ADAMTS18: variants seen among roughly 807,000 people sequenced by gnomAD.
ADAMTS18 encodes A disintegrin and metalloproteinase with thrombospondin motifs 18.
ADAMTS18 carries 157 observed loss-of-function variants against 165.9 expected under a neutral mutation model. That is an observed-to-expected ratio of 0.95 (90% CI 0.83 to 1.08). The LOEUF (loss-of-function observed/expected upper bound fraction) is 1.08. ADAMTS18 is among the 50% of genes least tolerant of loss of function. ADAMTS18 has a pLI of 0.00. For missense variants in ADAMTS18, 2,040 were observed against 1,534.0 expected, an observed-to-expected ratio of 1.33 and a Z score of -5.51; for synonymous variants, 782 against 578.2, an observed-to-expected ratio of 1.35 and a Z score of -5.06.
At chr16:77,425,889 C>A (rs544570421) in intron 3 of ADAMTS18, among the ~76,000 whole-genome samples, 3 of 151,852 alleles carry the variant, frequency 2.0e-5, no homozygotes, top group African/African-American at 7.3e-5. Context: ...CTAAAAATAA[C>A]AAAAAAATTA....
intron 19 of ADAMTS18, 74 bp from the exon 20 acceptor site, chr16:77,293,332 A>C: frequency 1.8e-6 from 2 of 1,116,596 alleles, no homozygotes; most frequent in Non-Finnish European, 2.7e-6. Context: ...AAAACAACAC[A>C]CTAAATATAT....
chr16:77,366,232 A>C (rs1323891639), intron 4 of ADAMTS18, among the ~76,000 whole-genome samples: 2 of 152,228 alleles, frequency 1.3e-5, no homozygotes, highest in African/African-American at 4.8e-5. Context: ...AGAAGAATTT[A>C]AAAGTTTAAA....
At chr16:77,352,856 A>T (rs968654183) in intron 10 of ADAMTS18, among the ~76,000 whole-genome samples, 1 of 152,118 alleles carries the variant, frequency 6.6e-6, no homozygotes, top group African/African-American at 2.4e-5. Flanking sequence ...CATGCCTGTA[A>T]TCCCAGCACT....
chr16:77,287,590 A>T (rs941906322), intron 22 of ADAMTS18, among the ~76,000 whole-genome samples: 1 of 151,654 alleles, frequency 6.6e-6, no homozygotes, highest in Non-Finnish European at 1.5e-5. Context: ...AGATCCTCCC[A>T]CCTCCCCAGT....
intron 10 of ADAMTS18, among the ~76,000 whole-genome samples, chr16:77,342,458 T>TGAC (rs2056413049): frequency 1.3e-5 from 2 of 151,322 alleles, no homozygotes; most frequent in East Asian, 3.9e-4. Context: ...TTATAGTTTA[T>TGAC]TGACTGACTG....
intron 11 of ADAMTS18, among the ~76,000 whole-genome samples, chr16:77,341,323 C>G (rs1248243923): frequency 1.3e-5 from 2 of 152,040 alleles, no homozygotes; most frequent in African/African-American, 4.8e-5. Flanking sequence ...AGCTGAGTAG[C>G]CGAAGCCTTG....
chr16:77,433,716 C>T (rs2057765243), intron 2 of ADAMTS18, among the ~76,000 whole-genome samples: 1 of 152,162 alleles, frequency 6.6e-6, no homozygotes, highest in South Asian at 2.1e-4. Context: ...TAAGGTTTTC[C>T]TAGACACCTT....
At chr16:77,422,887 A>G (rs1403072024) in intron 3 of ADAMTS18, among the ~76,000 whole-genome samples, 3 of 152,132 alleles carry the variant, frequency 2.0e-5, no homozygotes, top group African/African-American at 4.8e-5. Context: ...TCACACTTAC[A>G]TGGTGTGATG....
chr16:77,390,893 C>T (rs1400199706), intron 3 of ADAMTS18, among the ~76,000 whole-genome samples: 2 of 152,098 alleles, frequency 1.3e-5, no homozygotes, highest in Admixed American at 6.5e-5. Flanking sequence ...GCCCAGTAGC[C>T]ACGTGGTTGG....
chr16:77,388,754 C>T (rs1001755304), intron 3 of ADAMTS18, among the ~76,000 whole-genome samples: 6 of 152,148 alleles, frequency 3.9e-5, no homozygotes, highest in African/African-American at 1.4e-4. Flanking sequence ...TTTTCTTCCC[C>T]TCAGCAATGT....
At chr16:77,342,972 A>C (rs1349056576) in intron 10 of ADAMTS18, among the ~76,000 whole-genome samples, 1 of 152,174 alleles carries the variant, frequency 6.6e-6, no homozygotes, top group African/African-American at 2.4e-5. Context: ...GCCATGAGCC[A>C]AGGAATGCAG....
chr16:77,433,051 CTT>C (rs1454984999), intron 2 of ADAMTS18, among the ~76,000 whole-genome samples: 5 of 152,120 alleles, frequency 3.3e-5, no homozygotes. Flanking sequence ...TTTCCCCTCT[CTT>C]AACCTTGAAA....
chr16:77,284,204 C>T, intron 22 of ADAMTS18, 133 bp from the exon 23 acceptor site: 1 of 640,670 alleles, frequency 1.6e-6, no homozygotes. Context: ...CCGCTCACTG[C>T]AATCTCTGCT....
At chr16:77,429,768 A>C (rs932142952) in intron 3 of ADAMTS18, among the ~76,000 whole-genome samples, 1 of 152,174 alleles carries the variant, frequency 6.6e-6, no homozygotes, top group Non-Finnish European at 1.5e-5. Context: ...TGAGGAGGCT[A>C]AATTTTGCTG....
intron 16 of ADAMTS18, among the ~76,000 whole-genome samples, chr16:77,302,136 T>G (rs1462429405): frequency 6.6e-6 from 1 of 152,100 alleles, no homozygotes; most frequent in East Asian, 1.9e-4. Flanking sequence ...CACAGTATTT[T>G]TGAATAAATA....
rs1300922520 is a variant in ADAMTS18, at chr16:77,290,335, T to A, written c.3403-924A>T. Among the ~76,000 whole-genome samples, 3 of 152,146 alleles carry A rather than the reference T, an allele frequency of 2.0e-5. No homozygotes were observed. In the East Asian group the frequency reaches 5.8e-4, roughly 29 times the overall value. ...CAAATGAACATGGCTACATTCCAGT[T>A]AAACTTTATAAAAACAGGCAGGTAT... On this transcript the variant is annotated intron_variant, in intron 21 of 22. Coordinates refer to ENST00000282849, the MANE Select transcript of ADAMTS18 (RefSeq NM_199355.4).
chr16:77,372,525 G>C (rs145268492), intron 3 of ADAMTS18, among the ~76,000 whole-genome samples: 19 of 152,218 alleles, frequency 1.2e-4, no homozygotes, highest in Middle Eastern at 3.4e-3. Context: ...AATCAAAGAC[G>C]GAGTCTTCAT....
Position 77,363,955 on chromosome 16 carries a change from AT to A in ADAMTS18, c.973-71del, listed in dbSNP as rs1005037020. The A allele has an allele frequency of 3.5e-6, 5 of 1,435,164 alleles. No homozygotes were observed. In the African/African-American group the frequency reaches 7.0e-5, roughly 20 times the overall value. The allele number at this position is 1,435,164 out of a possible 1,614,324, so 88.9% of individuals were successfully genotyped here. ...ACCTTAGGGGGAATCAATCAGACAT[AT>A]TGACTGAAGTACGCAGGCTTTAATT... On this transcript the variant is annotated intron_variant, in intron 5 of 22. Transcript: ENST00000282849.
intron 3 of ADAMTS18, among the ~76,000 whole-genome samples, chr16:77,377,624 C>A (rs552415175): frequency 4.5e-4 from 68 of 152,280 alleles, no homozygotes; most frequent in South Asian, 2.3e-3. Context: ...TACAAAGTAG[C>A]CCCAGTAGGC....
Sources: allele counts gnomAD v4.1 joint callset (sites outside exome capture counted in the v4.1 genomes callset), GRCh38; gene constraint gnomAD v4.1.1; transcripts MANE v1.5; gene names NCBI Gene and HGNC (gene_info 2026-07-23, HGNC 2026-07-21).